Variants in PLEKHA3 observed in about 807,000 individuals in gnomAD.
PLEKHA3 encodes the protein pleckstrin homology domain-containing family A member 3.
PLEKHA3 carries 19 observed loss-of-function variants against 39.2 expected under a neutral mutation model. The observed-to-expected ratio is 0.48, with a 90% confidence interval of 0.34 to 0.71. The LOEUF (loss-of-function observed/expected upper bound fraction) is 0.71, where lower values mean the gene tolerates loss of function less well. Among genes scored for constraint, PLEKHA3 ranks in the 30% least tolerant of loss-of-function variants. PLEKHA3 has a pLI of 0.01. For synonymous variants in PLEKHA3, 97 were observed against 118.6 expected (o/e 0.82, Z 1.18); for missense variants, 253 against 359.5 (o/e 0.70, Z 2.40).
intron 1 of PLEKHA3, among the ~76,000 whole-genome samples, chr2:178,482,552 CAAA>C (rs557529546): frequency 2.2e-4 from 20 of 89,398 alleles, no homozygotes; most frequent in Admixed American, 3.9e-4. Flanking sequence ...GATCCTGTCT[CAAA>C]AAAAAAAAAA....
intron 1 of PLEKHA3, chr2:178,482,027 T>A (rs1685174540): frequency 6.5e-6 from 1 of 153,764 alleles, no homozygotes; most frequent in East Asian, 1.9e-4. Flanking sequence ...ACCTGCTTTT[T>A]GATTTATTAG....
rs757481811 is a variant in PLEKHA3 at position 178,503,865 on chromosome 2, C to A, written c.881C>A (p.Thr294Asn). 6.2e-7 allele frequency: 1 copy of A among 1,611,438 alleles called. No homozygotes were observed. The highest frequency in any genetic ancestry group is 8.5e-7 in the Non-Finnish European group (1 of 1,178,124). ...AAAAAACAATCTGAATCAGAAGATA[C>A]TCTTCCATCCTTCTCTTCCTGAAGA... ...MAKKQSESED[T>N]LPSFSS Residue 294 changes from threonine (T) to asparagine (N), a missense_variant, in exon 8 of 8, where the codon ACT becomes AAT. Coordinates refer to ENST00000234453, the MANE Select transcript of PLEKHA3 (RefSeq NM_019091.4).
chr2:178,490,586 A>T, intron 2 of PLEKHA3, 73 bp from the exon 3 acceptor site: 3 of 1,439,678 alleles, frequency 2.1e-6, no homozygotes, highest in Non-Finnish European at 2.9e-6. Context: ...ATACTGTGTG[A>T]TTAGATGATT....
chr2:178,506,887 C>T lies in PLEKHA3; in HGVS notation c.*3000C>T, dbSNP rs538515606. The T allele has an allele frequency of 5.3e-5, 8 of 151,736 alleles. No individual in the cohort carries two copies. Among genetic ancestry groups the T allele is most frequent in the Admixed American group, 4.6e-4 (7 of 15,230 alleles). The allele number at this position is 151,736 out of a possible 1,614,324, so 9.4% of individuals were successfully genotyped here. A position where few individuals can be genotyped will look rare whatever the true frequency, so the allele number is the denominator to read the frequency against. ...TAGCTGGTAGGTAGGCCTTCTTGTT[C>T]ATGTCTTTCTGTCTCCCCAATCCAC... is the stretch of plus-strand genomic sequence containing the variant. On this transcript the variant is annotated 3_prime_UTR_variant, in exon 8 of 8. Coordinates refer to ENST00000234453, the MANE Select transcript of PLEKHA3 (RefSeq NM_019091.4).
intron 2 of PLEKHA3, among the ~76,000 whole-genome samples, chr2:178,487,288 CT>C (rs1685265310): frequency 6.6e-6 from 1 of 152,156 alleles, no homozygotes; most frequent in African/African-American, 2.4e-5. Context: ...TTAGGGGATT[CT>C]GGCTAAACTG....
In PLEKHA3 at chr2:178,515,291, A is replaced by G. The variant is rs142036616; in HGVS notation, c.*11404A>G. The G allele has an allele frequency of 1.3e-5, 2 of 152,186 alleles. No homozygotes were observed. Among genetic ancestry groups the G allele is most frequent in the East Asian group, 1.9e-4 (1 of 5,186 alleles). 9.4% of individuals were successfully genotyped at this position (152,186 alleles called of 1,614,324 possible). On this transcript the variant is annotated 3_prime_UTR_variant, in exon 8 of 8. Transcript: ENST00000234453. The stretch of plus-strand genomic sequence containing the variant: ...TTTCAGAATTCTGTGTAGTTTCTCA[A>G]CATTTCCTTTCTACCTGTCCTGAAG...
At position 178,493,976 on chromosome 2, in the gene PLEKHA3, C is replaced by A. The variant is rs140472356; in HGVS notation, c.437C>A (p.Ser146Tyr). 11 of 1,613,732 alleles carry A rather than the reference C, an allele frequency of 6.8e-6. No homozygotes were observed. The highest frequency in any genetic ancestry group is 1.7e-5 in the Admixed American group (1 of 59,970). ...GTTCACCATGATGAGAATCATTCAT[C>A]TCCTAGTGCAGAGGTAGAGCGAAGA... ...EFVHHDENHS[S>Y]PSAENMNEAS... The change falls in exon 4 of 8, where the codon TCT becomes TAT. Residue 146 changes from serine (S) to tyrosine (Y), a missense_variant. Around this residue, in one of 2 missense-constraint regions of PLEKHA3, gnomAD observed 126 missense variants for 222.7 expected, o/e 0.57. Coordinates refer to ENST00000234453, the MANE Select transcript of PLEKHA3 (RefSeq NM_019091.4).
chr2:178,490,638 C>T (rs1168692454), intron 2 of PLEKHA3, 21 bp from the exon 3 acceptor site: 7 of 1,605,626 alleles, frequency 4.4e-6, no homozygotes, highest in East Asian at 2.2e-5. Flanking sequence ...AACTGTATTT[C>T]CCCTTTGTTT....
Position 178,509,247 on chromosome 2 carries a change from A to G in PLEKHA3, c.*5360A>G, listed in dbSNP as rs1685646930. The G allele has an allele frequency of 6.6e-6, 1 of 152,132 alleles. No individual in the cohort carries two copies. The highest frequency in any genetic ancestry group is 1.5e-5 in the Non-Finnish European group (1 of 68,026). The allele number at this position is 152,132 out of a possible 1,614,324, so 9.4% of individuals were successfully genotyped here. A position where few individuals can be genotyped will look rare whatever the true frequency, so the allele number is the denominator to read the frequency against. ...TTTGTATGTTTCACTGAAAGTCTAG[A>G]TTTAAATTCTAATAGTGTATAAAAA... On this transcript the variant is annotated 3_prime_UTR_variant, in exon 8 of 8. Coordinates refer to ENST00000234453, the MANE Select transcript of PLEKHA3 (RefSeq NM_019091.4).
At chr2:178,503,234 GATCTTTCA>G (rs1283633558) in intron 7 of PLEKHA3, among the ~76,000 whole-genome samples, 4 of 151,902 alleles carry the variant, frequency 2.6e-5, no homozygotes, top group Non-Finnish European at 5.9e-5. Context: ...GGAGAAATGG[GATCTTTCA>G]GTATGAGGTA....
Position 178,480,855 on chromosome 2 carries a change from G to T in PLEKHA3, c.-15G>T. 7.6e-7 allele frequency: 1 copy of T among 1,319,648 alleles called. No individual in the cohort carries two copies. Among genetic ancestry groups the T allele is most frequent in the Non-Finnish European group, 9.7e-7 (1 of 1,026,276 alleles). 81.7% of individuals were successfully genotyped at this position (1,319,648 alleles called of 1,614,324 possible). On this transcript the variant is annotated 5_prime_UTR_variant, in exon 1 of 8. Transcript: ENST00000234453. ...GCGCCGGGCCGGGAGGATGCGCGGT[G>T]TGGGGCTCTGAAGCATGGAGGGGGT...
At chr2:178,487,093 G>A (rs1249168568) in intron 2 of PLEKHA3, among the ~76,000 whole-genome samples, 1 of 152,218 alleles carries the variant, frequency 6.6e-6, no homozygotes, top group African/African-American at 2.4e-5. Flanking sequence ...AAGGAGCAGG[G>A]TTAGGGGGAG....
At chr2:178,488,777 A>G (rs1457672655) in intron 2 of PLEKHA3, among the ~76,000 whole-genome samples, 2 of 152,222 alleles carry the variant, frequency 1.3e-5, no homozygotes, top group Non-Finnish European at 2.9e-5. Context: ...AATGTTTGGA[A>G]TTGTGTTGAA....
rs1271611916 is a variant in PLEKHA3 at position 178,507,030 on chromosome 2, AG to A, written c.*3145del. On this transcript the variant is annotated 3_prime_UTR_variant, in exon 8 of 8. Transcript: ENST00000234453. ...TTTGAAAAAATCAAATAGAACTAAA[AG>A]GTTTATAGTGAAAAAGTGTAGTTCC... 6.6e-6 allele frequency: 1 copy of A among 152,180 alleles called. No homozygotes were observed. Among genetic ancestry groups the A allele is most frequent in the Non-Finnish European group, 1.5e-5 (1 of 68,026 alleles). 9.4% of individuals were successfully genotyped at this position (152,180 alleles called of 1,614,324 possible).
intron 5 of PLEKHA3, among the ~76,000 whole-genome samples, chr2:178,497,672 G>A (rs1685469169): frequency 1.3e-5 from 2 of 152,130 alleles, no homozygotes; most frequent in Admixed American, 6.5e-5. Flanking sequence ...AAAGAAACCA[G>A]TGTTTTGAGA....
intron 2 of PLEKHA3, among the ~76,000 whole-genome samples, chr2:178,489,395 G>T (rs1685307427): frequency 1.3e-5 from 2 of 150,848 alleles, no homozygotes; most frequent in Admixed American, 6.6e-5. Flanking sequence ...CTCATAATTT[G>T]GCTCCTCCCA....
chr2:178,490,818 A>G lies in PLEKHA3; in HGVS notation c.313+4A>G, dbSNP rs1477012573. 6.3e-7 allele frequency: 1 copy of G among 1,599,622 alleles called. No individual in the cohort carries two copies. The highest frequency in any genetic ancestry group is 8.5e-7 in the Non-Finnish European group (1 of 1,174,486). The stretch of plus-strand genomic sequence containing the variant: ...ACAAGGACTAAAAAAGAAAAAGGTA[A>G]CTATAAACTTTTCCCTTGTGGTGAG... On this transcript the variant is annotated splice_donor_region_variant and intron_variant, in intron 3 of 7. Coordinates refer to ENST00000234453, the MANE Select transcript of PLEKHA3 (RefSeq NM_019091.4).
chr2:178,481,157 T>C (rs896942465), intron 1 of PLEKHA3, among the ~76,000 whole-genome samples: 1 of 152,162 alleles, frequency 6.6e-6, no homozygotes, highest in Non-Finnish European at 1.5e-5. Context: ...TTGCCTCCTG[T>C]AGCCTCAGGA....
In PLEKHA3 at chr2:178,508,323, A is replaced by C. The variant is rs1441625712; in HGVS notation, c.*4436A>C. 6.6e-6 allele frequency: 1 copy of C among 150,506 alleles called. No homozygotes were observed. Among genetic ancestry groups the C allele is most frequent in the Non-Finnish European group, 1.5e-5 (1 of 67,596 alleles). 9.3% of individuals were successfully genotyped at this position (150,506 alleles called of 1,614,324 possible). ...CTAAGAGGTCTTTTTTTTCTGTTTCATTTCATAAAAACCTATTTTTATTTT... is the reference window on the plus strand; with the variant it reads ...CTAAGAGGTCTTTTTTTTCTGTTTCCTTTCATAAAAACCTATTTTTATTTT... On this transcript the variant is annotated 3_prime_UTR_variant, in exon 8 of 8. Coordinates refer to ENST00000234453, the MANE Select transcript of PLEKHA3 (RefSeq NM_019091.4).
Sources: gnomAD v4.1 joint callset for allele counts (sites outside exome capture counted in the v4.1 genomes callset) on GRCh38, gnomAD v4.1.1 for gene constraint, gnomAD v4.1.1 regional missense constraint, MANE v1.5 for transcripts, NCBI Gene and HGNC (gene_info 2026-07-23, HGNC 2026-07-21) for gene names.